BIVM: variants seen among roughly 807,000 people sequenced by gnomAD.
BIVM encodes the protein basic immunoglobulin-like variable motif-containing protein.
Under a neutral mutation model 61.4 loss-of-function variants are expected in BIVM, and 31 were observed. That is an observed-to-expected ratio of 0.51 (90% CI 0.38 to 0.68). BIVM has a LOEUF of 0.68. BIVM is among the 30% of genes least tolerant of loss of function. BIVM has a pLI of 0.00. For synonymous variants in BIVM, 189 were observed against 210.7 expected, an observed-to-expected ratio of 0.90 and a Z score of 0.89; for missense variants, 526 against 596.0, an observed-to-expected ratio of 0.88 and a Z score of 1.22.
At chr13:102,812,524 T>C (rs1879569230) in intron 3 of BIVM, among the ~76,000 whole-genome samples, 1 of 152,204 alleles carries the variant, frequency 6.6e-6, no homozygotes, top group South Asian at 2.1e-4. Context: ...TTGTTGATTT[T>C]AGTTTTTGTT....
intron 7 of BIVM, among the ~76,000 whole-genome samples, chr13:102,831,311 G>A (rs1192434422): frequency 6.6e-6 from 1 of 152,164 alleles, no homozygotes; most frequent in Non-Finnish European, 1.5e-5. Context: ...TTATTAGAAG[G>A]TTTTGGTAAG....
chr13:102,804,870 A>G (rs777281044), intron 1 of BIVM, among the ~76,000 whole-genome samples: 2 of 152,344 alleles, frequency 1.3e-5, no homozygotes, highest in East Asian at 3.9e-4. Context: ...CTTAAATTCC[A>G]TGAAAGCCAT....
In BIVM at chr13:102,840,897, A is replaced by G. The variant is rs1398199950; in HGVS notation, c.*1032A>G. On this transcript the variant is annotated 3_prime_UTR_variant, in exon 11 of 11. Coordinates refer to ENST00000257336, the MANE Select transcript of BIVM (RefSeq NM_017693.4). Reference sequence around the variant, plus strand: ...TTGGCACCTTAAGTTTCTATACCCAAGGTTATCTGTGAAATGAGATCTCCT... The same window carrying G: ...TTGGCACCTTAAGTTTCTATACCCAGGGTTATCTGTGAAATGAGATCTCCT... 2.0e-5 allele frequency: 3 copies of G among 152,158 alleles called. No individual in the cohort carries two copies. The highest frequency in any genetic ancestry group is 6.5e-5 in the Admixed American group (1 of 15,276). The allele number at this position is 152,158 out of a possible 1,614,324, so 9.4% of individuals were successfully genotyped here. A position where few individuals can be genotyped will look rare whatever the true frequency, so the allele number is the denominator to read the frequency against.
At chr13:102,821,191 C>T (rs1595349505) in intron 5 of BIVM, 59 bp downstream of exon 5, 2 of 1,445,910 alleles carry the variant, frequency 1.4e-6, no homozygotes, top group Middle Eastern at 2.4e-4. Context: ...GTTGCTTTTT[C>T]TATAACAGAA....
At chr13:102,822,272 A>G in intron 7 of BIVM, 113 bp downstream of exon 7, 1 of 989,164 alleles carries the variant, frequency 1.0e-6, no homozygotes. Context: ...TTCCTGGGAC[A>G]TTATGTAAAC....
intron 7 of BIVM, among the ~76,000 whole-genome samples, chr13:102,829,704 T>G (rs1880928603): frequency 6.6e-6 from 1 of 151,920 alleles, no homozygotes; most frequent in Non-Finnish European, 1.5e-5. Flanking sequence ...CTGGGCGTGG[T>G]GGTGAGTGCA....
chr13:102,837,378 A>T (rs1027297649), intron 9 of BIVM, among the ~76,000 whole-genome samples: 1 of 152,210 alleles, frequency 6.6e-6, no homozygotes, highest in South Asian at 2.1e-4. Flanking sequence ...TCAACTTTTT[A>T]AAAAAATTTT....
chr13:102,833,914 A>G (rs1051312097), intron 8 of BIVM, among the ~76,000 whole-genome samples: 2 of 152,198 alleles, frequency 1.3e-5, no homozygotes, highest in Admixed American at 6.5e-5. Context: ...CATTTATCAA[A>G]TATAAATCAT....
At chr13:102,821,874 T>C (rs375916066) in intron 6 of BIVM, 27 bp downstream of exon 6, 1 of 1,603,400 alleles carries the variant, frequency 6.2e-7, no homozygotes. Context: ...AGAGGCAATA[T>C]CGTGTTTCTA....
chr13:102,824,950 AT>A (rs1555322766), intron 7 of BIVM, among the ~76,000 whole-genome samples: 7 of 147,650 alleles, frequency 4.7e-5, no homozygotes, highest in African/African-American at 1.3e-4. Context: ...TAATTAATTA[AT>A]TTTTTTTTTG....
intron 9 of BIVM, among the ~76,000 whole-genome samples, chr13:102,838,310 T>G (rs1881621292): frequency 6.6e-6 from 1 of 152,236 alleles, no homozygotes; most frequent in Admixed American, 6.5e-5. Context: ...TAACTTTACA[T>G]TCTTTTAAAA....
At chr13:102,824,480 G>A (rs768899089) in intron 7 of BIVM, among the ~76,000 whole-genome samples, 16 of 152,214 alleles carry the variant, frequency 1.1e-4, no homozygotes, top group East Asian at 1.9e-4. Context: ...TGGATGTGTC[G>A]GTACTGAAAA....
chr13:102,813,633 C>G (rs894165536), intron 3 of BIVM, among the ~76,000 whole-genome samples: 2 of 151,994 alleles, frequency 1.3e-5, no homozygotes, highest in Admixed American at 1.3e-4. Context: ...CTTATATGTT[C>G]TATAATTTTG....
At chr13:102,828,937 C>T (rs1440502567) in intron 7 of BIVM, among the ~76,000 whole-genome samples, 6 of 150,994 alleles carry the variant, frequency 4.0e-5, no homozygotes, top group Non-Finnish European at 5.9e-5. Flanking sequence ...GGCTGAGGCA[C>T]GAGAATTGCT....
chr13:102,831,772 G>A (rs1881087863), intron 8 of BIVM, 75 bp downstream of exon 8: 12 of 1,530,802 alleles, frequency 7.8e-6, no homozygotes, highest in Non-Finnish European at 1.1e-5. Context: ...GCTCACGCCT[G>A]TAATCCTAGC....
At chr13:102,819,547 C>A (rs775202376) in intron 4 of BIVM, among the ~76,000 whole-genome samples, 2 of 152,014 alleles carry the variant, frequency 1.3e-5, no homozygotes, top group East Asian at 3.9e-4. Context: ...AAGTGAGAGC[C>A]GAACAATGTG....
rs1312463011 is a variant in BIVM, at chr13:102,799,142, A to G, written c.-586A>G. The G allele has an allele frequency of 2.5e-6, 1 of 394,824 alleles. No individual in the cohort carries two copies. The highest frequency in any genetic ancestry group is 3.6e-5 in the East Asian group (1 of 27,906). The allele number at this position is 394,824 out of a possible 1,614,324, so 24.5% of individuals were successfully genotyped here. ...GTAGTTCGCGACAGGACGAGCGGAA[A>G]TACTGCCAGGATTTTACCACCTCTC... On this transcript the variant is annotated 5_prime_UTR_variant, in exon 1 of 11. Transcript: ENST00000257336.
intron 4 of BIVM, among the ~76,000 whole-genome samples, chr13:102,817,646 T>C (rs995322097): frequency 2.6e-5 from 4 of 152,180 alleles, no homozygotes; most frequent in African/African-American, 9.7e-5. Flanking sequence ...GATCCTTGTC[T>C]GAATATTTGT....
chr13:102,829,026 A>T (rs7334890), intron 7 of BIVM, among the ~76,000 whole-genome samples: 136,979 of 147,860 alleles, frequency 0.93, 63,811 homozygotes, highest in South Asian at 1. Flanking sequence ...TTTTTTTTTT[A>T]AAATAAAAAA....
Sources: allele counts gnomAD v4.1 joint callset (sites outside exome capture counted in the v4.1 genomes callset), GRCh38; gene constraint gnomAD v4.1.1; transcripts MANE v1.5; gene names NCBI Gene and HGNC (gene_info 2026-07-23, HGNC 2026-07-21).